Variants in NTSR1 observed in about 807,000 individuals in gnomAD.
The protein encoded by NTSR1 is neurotensin receptor type 1.
In NTSR1, 29 loss-of-function variants were observed where a neutral mutation model predicts 31.2. The ratio of observed to expected loss-of-function variants is 0.93; its 90% CI spans 0.69 to 1.27. The LOEUF (loss-of-function observed/expected upper bound fraction) is 1.27, where lower values mean the gene tolerates loss of function less well. NTSR1 is among the 50% of genes most tolerant of loss of function. The probability of loss-of-function intolerance (pLI) is 0.00; values close to 1 mark genes in which losing one functional copy is unlikely to be tolerated. For missense variants in NTSR1, 697 were observed against 595.4 expected (o/e 1.17, Z -1.78); for synonymous variants, 282 against 269.9 (o/e 1.04, Z -0.44).
chr20:62,731,564 T>A (rs1989002283), intron 1 of NTSR1, among the ~76,000 whole-genome samples: 1 of 152,234 alleles, frequency 6.6e-6, no homozygotes, highest in African/African-American at 2.4e-5. Context: ...TAAAATGTGT[T>A]ATTATCTATA....
chr20:62,725,307 C>G (rs974913313), intron 1 of NTSR1, among the ~76,000 whole-genome samples: 3 of 152,254 alleles, frequency 2.0e-5, no homozygotes, highest in Admixed American at 1.3e-4. Flanking sequence ...GGAAGAGGAG[C>G]AGGGGTAGGA....
intron 1 of NTSR1, among the ~76,000 whole-genome samples, chr20:62,748,276 GA>G (rs1989337090): frequency 6.6e-6 from 1 of 150,488 alleles, no homozygotes; most frequent in Admixed American, 6.6e-5. Context: ...CATGATGAAA[GA>G]AATTGCACAA....
chr20:62,721,526 A>G lies in NTSR1; in HGVS notation c.714+11605A>G, dbSNP rs184087416. On this transcript the variant is annotated intron_variant, in intron 1 of 3. Coordinates refer to ENST00000370501, the MANE Select transcript of NTSR1 (RefSeq NM_002531.3). The stretch of plus-strand genomic sequence containing the variant: ...TCACTGTCTGTCCGTGGTGGTTCCA[A>G]TGCAGGCCTGTTTTTGGGTCTTTTG... Among the ~76,000 whole-genome samples, 237 of 152,316 alleles carry G rather than the reference A, an allele frequency of 1.6e-3. 4 individuals carry two copies. The highest frequency in any genetic ancestry group is 5.5e-3 in the African/African-American group (228 of 41,554).
At chr20:62,747,149 C>A (rs1989313936) in intron 1 of NTSR1, among the ~76,000 whole-genome samples, 1 of 152,252 alleles carries the variant, frequency 6.6e-6, no homozygotes, top group South Asian at 2.1e-4. Context: ...GCCATTTGAT[C>A]ATCTCATTTG....
At position 62,709,067 on chromosome 20, in the gene NTSR1, C is replaced by A. The variant is rs1988533034; in HGVS notation, c.-141C>A. ...CGCGTCTGGGTCTGGCGCTTCCCGA[C>A]TGGACGGCGCGCCCGCTGGTCTTCG... On this transcript the variant is annotated 5_prime_UTR_variant, in exon 1 of 4. It adds an upstream start codon to the 5' untranslated region. Transcript: ENST00000370501. 1.6e-6 allele frequency: 1 copy of A among 638,890 alleles called. No individual in the cohort carries two copies. Among genetic ancestry groups the A allele is most frequent in the Non-Finnish European group, 2.4e-6 (1 of 418,458 alleles). The allele number at this position is 638,890 out of a possible 1,614,324, so 39.6% of individuals were successfully genotyped here. A position where few individuals can be genotyped will look rare whatever the true frequency, so the allele number is the denominator to read the frequency against.
chr20:62,751,114 G>A (rs1989387601), intron 1 of NTSR1, among the ~76,000 whole-genome samples: 2 of 152,164 alleles, frequency 1.3e-5, no homozygotes, highest in Admixed American at 1.3e-4. Context: ...TGGCCTCAAG[G>A]GATCTTCCTG....
In NTSR1 at chr20:62,743,470, A is replaced by T. The variant is rs1200698271; in HGVS notation, c.715-11215A>T. ...CCTGGAGTCTGTCTGGGAGGTTAGA[A>T]AAGACCGTCCGTGAGCCTGGGCCCT... On this transcript the variant is annotated intron_variant, in intron 1 of 3. Transcript: ENST00000370501. The surrounding 1 kb of genome is among the most constrained non-coding windows in gnomAD (Gnocchi z 7.5). 2.6e-5 allele frequency among the ~76,000 whole-genome samples: 4 copies of T among 152,092 alleles called. No individual in the cohort carries two copies. Among genetic ancestry groups the T allele is most frequent in the African/African-American group, 4.8e-5 (2 of 41,404 alleles).
Position 62,760,425 on chromosome 20 carries a change from C to G in NTSR1, c.*158C>G. The G allele has an allele frequency of 2.9e-6, 2 of 693,554 alleles. No homozygotes were observed. Among genetic ancestry groups the G allele is most frequent in the Non-Finnish European group, 4.7e-6 (2 of 429,568 alleles). The allele number at this position is 693,554 out of a possible 1,614,324, so 43.0% of individuals were successfully genotyped here. A position where few individuals can be genotyped will look rare whatever the true frequency, so the allele number is the denominator to read the frequency against. On this transcript the variant is annotated 3_prime_UTR_variant, in exon 4 of 4. Coordinates refer to ENST00000370501, the MANE Select transcript of NTSR1 (RefSeq NM_002531.3). ...GGACCCCCCCCTCCCACCCCCTAAC[C>G]CATGTTTCTCATTAGTGTCTCCCGG...
In NTSR1 at chr20:62,710,152, T is replaced by C. The variant is rs1315728483; in HGVS notation, c.714+231T>C. On this transcript the variant is annotated intron_variant, in intron 1 of 3. Transcript: ENST00000370501. The stretch of plus-strand genomic sequence containing the variant: ...GAGCCCCTGCCTGTGACCTCTCTGG[T>C]GTTGGTGGCTGGGCCTCGGACATCT... 5.3e-5 allele frequency among the ~76,000 whole-genome samples: 8 copies of C among 152,218 alleles called. No individual in the cohort carries two copies. The East Asian group carries it at 1.5e-3, about 29-fold the overall frequency.
At chr20:62,750,463 G>C (rs1989373893) in intron 1 of NTSR1, among the ~76,000 whole-genome samples, 1 of 152,116 alleles carries the variant, frequency 6.6e-6, no homozygotes, top group Non-Finnish European at 1.5e-5. Context: ...GGCCGAGGCG[G>C]GTGGATCACG....
intron 1 of NTSR1, among the ~76,000 whole-genome samples, chr20:62,720,575 C>CT (rs1988813417): frequency 6.6e-6 from 1 of 151,944 alleles, no homozygotes; most frequent in East Asian, 1.9e-4. Flanking sequence ...CATTATTGTT[C>CT]TTTTTCAAGA....
intron 1 of NTSR1, among the ~76,000 whole-genome samples, chr20:62,753,335 G>A (rs1053163786): frequency 4.6e-5 from 7 of 152,196 alleles, no homozygotes; most frequent in Admixed American, 2.0e-4. Flanking sequence ...AGCGAGACAC[G>A]GCGAGGATTG....
rs890340017 is a variant in NTSR1, at chr20:62,745,794, C to T, written c.715-8891C>T. On this transcript the variant is annotated intron_variant, in intron 1 of 3. Coordinates refer to ENST00000370501, the MANE Select transcript of NTSR1 (RefSeq NM_002531.3). The surrounding 1 kb of genome is among the most constrained non-coding windows in gnomAD (Gnocchi z 4.1). ...AGGGCTTCCCTGCTGTTGGCCATGACCCTCCCCTGCTGCTTGGAATTGCAA... is the reference window on the plus strand; with the variant it reads ...AGGGCTTCCCTGCTGTTGGCCATGATCCTCCCCTGCTGCTTGGAATTGCAA... Among the ~76,000 whole-genome samples, 1 of 152,216 alleles carries T rather than the reference C, an allele frequency of 6.6e-6. No homozygotes were observed. Among genetic ancestry groups the T allele is most frequent in the Non-Finnish European group, 1.5e-5 (1 of 68,042 alleles).
intron 3 of NTSR1, among the ~76,000 whole-genome samples, chr20:62,759,326 T>C (rs1010052872): frequency 6.6e-6 from 1 of 152,026 alleles, no homozygotes; most frequent in Non-Finnish European, 1.5e-5. Context: ...GTGTGGCTGC[T>C]GGGGAGGTGT....
chr20:62,709,910 G>A lies in NTSR1; in HGVS notation c.703G>A (p.Val235Ile), dbSNP rs763331199. The A allele has an allele frequency of 2.5e-6, 4 of 1,593,882 alleles. No homozygotes were observed. The highest frequency in any genetic ancestry group is 3.4e-6 in the Non-Finnish European group (4 of 1,167,128). Residue 235 changes from valine (V) to isoleucine (I), a missense_variant, in exon 1 of 4, where the codon GTC (valine) becomes ATC (isoleucine). Coordinates refer to ENST00000370501, the MANE Select transcript of NTSR1 (RefSeq NM_002531.3). ...TPTIHTATVK[V>I]VIQVNTFMSF... ...CACCATCCACACTGCCACCGTCAAG[G>A]TCGTCATACAGGTGAGCCTCAGTAA... is the stretch of plus-strand genomic sequence containing the variant.
intron 1 of NTSR1, among the ~76,000 whole-genome samples, chr20:62,717,733 T>TTCCC (rs1487566460): frequency 6.6e-6 from 1 of 152,186 alleles, no homozygotes; most frequent in African/African-American, 2.4e-5. Flanking sequence ...ACATCTTTCC[T>TTCCC]TCCTTCCTTC....
intron 1 of NTSR1, among the ~76,000 whole-genome samples, chr20:62,728,916 T>C (rs1988956694): frequency 6.6e-6 from 1 of 152,138 alleles, no homozygotes; most frequent in Non-Finnish European, 1.5e-5. Flanking sequence ...GATTCTTTTC[T>C]GAAGGAAGCC....
At chr20:62,728,945 AG>A (rs1988957205) in intron 1 of NTSR1, among the ~76,000 whole-genome samples, 1 of 152,216 alleles carries the variant, frequency 6.6e-6, no homozygotes, top group Non-Finnish European at 1.5e-5. Flanking sequence ...TGAGTTGGAA[AG>A]GGACCCTAAG....
intron 1 of NTSR1, 81 bp from the exon 2 acceptor site, chr20:62,754,604 A>C: frequency 8.6e-7 from 1 of 1,162,152 alleles, no homozygotes; most frequent in Middle Eastern, 1.9e-4. Context: ...CTGACACCCC[A>C]ATCAGCACGG....
Sources: allele counts gnomAD v4.1 joint callset (sites outside exome capture counted in the v4.1 genomes callset), GRCh38; gene constraint gnomAD v4.1.1; non-coding constraint Gnocchi (gnomAD v3.1); transcripts MANE v1.5; gene names NCBI Gene and HGNC (gene_info 2026-07-23, HGNC 2026-07-21).